The following KIAA1549L variants were observed in gnomAD, a reference collection of about 807,000 sequenced individuals.
KIAA1549L encodes UPF0606 protein KIAA1549L.
Under a neutral mutation model 160.7 loss-of-function variants are expected in KIAA1549L, and 88 were observed. That is an observed-to-expected ratio of 0.55 (90% CI 0.46 to 0.65). The LOEUF is 0.65. KIAA1549L is among the 30% of genes least tolerant of loss of function. The pLI is 0.00. For synonymous variants in KIAA1549L, 950 were observed against 976.7 expected (o/e 0.97, Z 0.51); for missense variants, 2,258 against 2,437.5 (o/e 0.93, Z 1.55).
intron 11 of KIAA1549L, among the ~76,000 whole-genome samples, chr11:33,589,314 G>C (rs1849975403): frequency 6.6e-6 from 1 of 152,156 alleles, no homozygotes; most frequent in African/African-American, 2.4e-5. Flanking sequence ...CCGTTGGTGG[G>C]ACTGTAAACT....
intron 18 of KIAA1549L, among the ~76,000 whole-genome samples, chr11:33,658,507 C>G (rs2133440590): frequency 6.6e-6 from 1 of 152,304 alleles, no homozygotes; most frequent in Non-Finnish European, 1.5e-5. Context: ...GAGAACTGAC[C>G]TTGAACGTCT....
chr11:33,487,988 A>G (rs1406605465), intron 1 of KIAA1549L, among the ~76,000 whole-genome samples: 2 of 152,218 alleles, frequency 1.3e-5, no homozygotes, highest in African/African-American at 4.8e-5. Flanking sequence ...AGGGTAGTCC[A>G]GGAACTGGGC....
Position 33,378,118 on chromosome 11 carries a change from A to G in KIAA1549L, c.238+1229A>G, listed in dbSNP as rs527749844. Reference sequence around the variant, plus strand: ...GTGATGTGTATTTGGCATAATTGTTAAAAGATAAGGCCTGAGAAAGACCCA... The same window carrying G: ...GTGATGTGTATTTGGCATAATTGTTGAAAGATAAGGCCTGAGAAAGACCCA... On this transcript the variant is annotated intron_variant, in intron 1 of 20. Coordinates refer to ENST00000658780, the MANE Select transcript of KIAA1549L (RefSeq NM_012194.3). Among the ~76,000 whole-genome samples the G allele has an allele frequency of 2.6e-5, 4 of 152,338 alleles. No individual in the cohort carries two copies. The East Asian group carries it at 5.8e-4, about 22-fold the overall frequency.
intron 1 of KIAA1549L, among the ~76,000 whole-genome samples, chr11:33,449,421 A>C (rs1341503102): frequency 2.6e-5 from 4 of 152,216 alleles, no homozygotes; most frequent in Non-Finnish European, 5.9e-5. Flanking sequence ...GGCAAGTCAG[A>C]GCCAAGTCAA....
intron 1 of KIAA1549L, among the ~76,000 whole-genome samples, chr11:33,399,757 TC>T (rs1365050099): frequency 1.3e-5 from 2 of 152,200 alleles, no homozygotes; most frequent in Non-Finnish European, 2.9e-5. Context: ...TTAAATCCCT[TC>T]CCAAACCTTG....
chr11:33,551,015 T>C, intron 4 of KIAA1549L, 25 bp from the exon 5 acceptor site: 1 of 1,584,880 alleles, frequency 6.3e-7, no homozygotes, highest in Non-Finnish European at 8.7e-7. Flanking sequence ...AAACAATGGG[T>C]TTTGTGGGTC....
intron 1 of KIAA1549L, among the ~76,000 whole-genome samples, chr11:33,538,953 C>A (rs1343511023): frequency 6.6e-6 from 1 of 152,148 alleles, no homozygotes; most frequent in Non-Finnish European, 1.5e-5. Context: ...CCGTCCTGTT[C>A]CTGTCTAGGT....
rs1025576989 is a variant in KIAA1549L, at chr11:33,577,048, G to A, written c.4402+2175G>A. 2.6e-5 allele frequency among the ~76,000 whole-genome samples: 4 copies of A among 152,358 alleles called. No individual in the cohort carries two copies. The South Asian group carries it at 8.3e-4, about 32-fold the overall frequency. ...GAATCCACATATGGGAAGAGTGAGA[G>A]TGAGTAGAGGACACTGACCAGGAGC... On this transcript the variant is annotated intron_variant, in intron 10 of 20. Transcript: ENST00000658780.
At chr11:33,452,228 A>G (rs1232519724) in intron 1 of KIAA1549L, among the ~76,000 whole-genome samples, 1 of 152,212 alleles carries the variant, frequency 6.6e-6, no homozygotes, top group East Asian at 1.9e-4. Flanking sequence ...TGGATGAAAT[A>G]GCAGAAGGAA....
Position 33,562,004 on chromosome 11 carries a change from C to T in KIAA1549L, c.4078+269C>T, listed in dbSNP as rs549438715. 1.1e-3 allele frequency among the ~76,000 whole-genome samples: 168 copies of T among 152,240 alleles called. 1 individual carries two copies. Among genetic ancestry groups the T allele is most frequent in the Non-Finnish European group, 2.1e-3 (146 of 68,026 alleles). ...CCCTATCAGAAGTTACAATGTTAACCGAAGAAGGTCTAGGGCATCAGTTTA... is the reference window on the plus strand; with the variant it reads ...CCCTATCAGAAGTTACAATGTTAACTGAAGAAGGTCTAGGGCATCAGTTTA... On this transcript the variant is annotated intron_variant, in intron 8 of 20. Transcript: ENST00000658780.
Position 33,634,755 on chromosome 11 carries a change from T to C in KIAA1549L, c.5410-10931T>C, listed in dbSNP as rs1194418417. Reference sequence around the variant, plus strand: ...TGGAGACTCTGATTATGAGTCACTCTCTGAAAGGTCCTCTCTGAAAGAGGA... The same window carrying C: ...TGGAGACTCTGATTATGAGTCACTCCCTGAAAGGTCCTCTCTGAAAGAGGA... On this transcript the variant is annotated intron_variant, in intron 16 of 20. Coordinates refer to ENST00000658780, the MANE Select transcript of KIAA1549L (RefSeq NM_012194.3). Among the ~76,000 whole-genome samples, 3 of 152,286 alleles carry C rather than the reference T, an allele frequency of 2.0e-5. No individual in the cohort carries two copies. In the South Asian group the frequency reaches 6.2e-4, roughly 32 times the overall value.
chr11:33,549,913 G>C (rs959923096), intron 4 of KIAA1549L, among the ~76,000 whole-genome samples: 1 of 151,978 alleles, frequency 6.6e-6, no homozygotes, highest in East Asian at 1.9e-4. Flanking sequence ...GCTGAGGTGG[G>C]AGAAATGCTT....
In KIAA1549L at chr11:33,607,004, T is replaced by C. The variant is rs143244182; in HGVS notation, c.5061+182T>C. ...GGACACAAGTCACCCAAAAAGAATT[T>C]GTTGGGTGATGTTTTCAGAGCACTT... On this transcript the variant is annotated intron_variant, in intron 14 of 20. Coordinates refer to ENST00000658780, the MANE Select transcript of KIAA1549L (RefSeq NM_012194.3). 7.2e-5 allele frequency among the ~76,000 whole-genome samples: 11 copies of C among 152,220 alleles called. No individual in the cohort carries two copies. The East Asian group carries it at 2.1e-3, about 29-fold the overall frequency.
chr11:33,669,017 G>A lies in KIAA1549L; in HGVS notation c.*863G>A, dbSNP rs929548896. Reference sequence around the variant, plus strand: ...TGAGAATGGAGCTTCTCTTTTTCTTGGGATAATAGATACATCAACTTTTAC... The same window carrying A: ...TGAGAATGGAGCTTCTCTTTTTCTTAGGATAATAGATACATCAACTTTTAC... On this transcript the variant is annotated 3_prime_UTR_variant, in exon 21 of 21. Coordinates refer to ENST00000658780, the MANE Select transcript of KIAA1549L (RefSeq NM_012194.3). 2 of 152,072 alleles carry A rather than the reference G, an allele frequency of 1.3e-5. No individual in the cohort carries two copies. The highest frequency in any genetic ancestry group is 4.8e-5 in the African/African-American group (2 of 41,400). The allele number at this position is 152,072 out of a possible 1,614,324, so 9.4% of individuals were successfully genotyped here.
intron 1 of KIAA1549L, among the ~76,000 whole-genome samples, chr11:33,393,392 C>A (rs1850308618): frequency 1.3e-5 from 2 of 152,170 alleles, no homozygotes; most frequent in Admixed American, 1.3e-4. Flanking sequence ...GGTCTCCTGG[C>A]CCGTCTCCTT....
At chr11:33,631,018 A>G (rs77506057) in intron 16 of KIAA1549L, among the ~76,000 whole-genome samples, 1,890 of 152,308 alleles carry the variant, frequency 0.012, 23 homozygotes, top group East Asian at 0.045. Flanking sequence ...TACTGTGGCA[A>G]TGAACTTGGA....
chr11:33,387,667 G>A (rs1351564286), intron 1 of KIAA1549L, among the ~76,000 whole-genome samples: 1 of 152,146 alleles, frequency 6.6e-6, no homozygotes, highest in Non-Finnish European at 1.5e-5. Context: ...AGGGAAAACA[G>A]CCTGGGTGAG....
At chr11:33,658,947 C>T (rs1399649383) in intron 19 of KIAA1549L, 49 bp downstream of exon 19, 5 of 1,488,714 alleles carry the variant, frequency 3.4e-6, no homozygotes, top group African/African-American at 1.4e-5. Context: ...GCTGCTGTGC[C>T]CTGTCCTCCC....
chr11:33,596,858 G>A (rs558136066), intron 12 of KIAA1549L, among the ~76,000 whole-genome samples: 1 of 152,284 alleles, frequency 6.6e-6, no homozygotes, highest in East Asian at 1.9e-4. Context: ...CCAGTTGGGA[G>A]AGTAGGTGCC....
Sources: gnomAD v4.1 joint callset for allele counts (sites outside exome capture counted in the v4.1 genomes callset) on GRCh38, gnomAD v4.1.1 for gene constraint, MANE v1.5 for transcripts, NCBI Gene and HGNC (gene_info 2026-07-23, HGNC 2026-07-21) for gene names.